The following CHKA variants were observed in gnomAD, a reference collection of about 807,000 sequenced individuals.
CHKA encodes choline kinase alpha, also known as CHETK-alpha.
In CHKA, 34 loss-of-function variants were observed where a neutral mutation model predicts 60.1. The ratio of observed to expected loss-of-function variants is 0.57; its 90% CI spans 0.43 to 0.75. The LOEUF (loss-of-function observed/expected upper bound fraction) is 0.75. Among genes scored for constraint, CHKA ranks in the 30% least tolerant of loss-of-function variants. The pLI is 0.00. For missense variants in CHKA, 563 were observed against 561.3 expected (o/e 1.00, Z -0.03); for synonymous variants, 217 against 223.1 (o/e 0.97, Z 0.24).
intron 7 of CHKA, among the ~76,000 whole-genome samples, chr11:68,066,779 G>T (rs1049600465): frequency 1.3e-5 from 2 of 152,198 alleles, no homozygotes; most frequent in East Asian, 3.9e-4. Context: ...GGATCACTGT[G>T]GAACAAAGCC....
chr11:68,088,982 T>C (rs1857269777), intron 2 of CHKA, among the ~76,000 whole-genome samples: 1 of 152,266 alleles, frequency 6.6e-6, no homozygotes. Context: ...ATAAGTGATT[T>C]CTAACATTTT....
At chr11:68,083,210 G>A (rs567655940) in intron 2 of CHKA, among the ~76,000 whole-genome samples, 2 of 152,194 alleles carry the variant, frequency 1.3e-5, no homozygotes, top group Non-Finnish European at 2.9e-5. Context: ...GGTATAGCAC[G>A]AGGCAAGTGA....
chr11:68,103,702 G>A (rs1056632795), intron 1 of CHKA, among the ~76,000 whole-genome samples: 24 of 151,936 alleles, frequency 1.6e-4, no homozygotes, highest in African/African-American at 5.1e-4. Context: ...ACCTGAGGTC[G>A]GGAATTCGAG....
chr11:68,084,393 C>CACAT (rs1403290481), intron 2 of CHKA, among the ~76,000 whole-genome samples: 10 of 112,662 alleles, frequency 8.9e-5, no homozygotes, highest in Non-Finnish European at 3.5e-5. Context: ...TATATATACA[C>CACAT]ACATATACGT....
At chr11:68,080,024 A>G (rs2134586437) in intron 3 of CHKA, among the ~76,000 whole-genome samples, 1 of 152,362 alleles carries the variant, frequency 6.6e-6, no homozygotes. Context: ...GTCAAATGCT[A>G]CTGAGAAGTC....
intron 7 of CHKA, among the ~76,000 whole-genome samples, chr11:68,067,822 G>A (rs998542852): frequency 2.0e-5 from 3 of 152,294 alleles, no homozygotes; most frequent in East Asian, 1.9e-4. Flanking sequence ...GTTAGCCAGC[G>A]ATGAGCAGCT....
At chr11:68,087,384 A>C (rs7123668) in intron 2 of CHKA, among the ~76,000 whole-genome samples, 80,006 of 151,732 alleles carry the variant, frequency 0.53, 21,725 homozygotes, top group South Asian at 0.68. Flanking sequence ...TGGAAGGCTG[A>C]GGCGGGAGAA....
At chr11:68,097,755 C>T (rs537246750) in intron 1 of CHKA, among the ~76,000 whole-genome samples, 11 of 152,016 alleles carry the variant, frequency 7.2e-5, no homozygotes, top group African/African-American at 2.7e-4. Flanking sequence ...AATCTGTCAA[C>T]TGATTTTGAC....
At chr11:68,061,302 C>T (rs1045383536) in intron 11 of CHKA, among the ~76,000 whole-genome samples, 2 of 151,816 alleles carry the variant, frequency 1.3e-5, no homozygotes, top group African/African-American at 4.8e-5. Flanking sequence ...GATGGGGTTT[C>T]CCCACGTTGG....
chr11:68,111,947 G>A (rs1220440232), intron 1 of CHKA, among the ~76,000 whole-genome samples: 1 of 150,466 alleles, frequency 6.6e-6, no homozygotes, highest in African/African-American at 2.4e-5. Context: ...CAGCTACTCA[G>A]GAGGCTGAGG....
At chr11:68,086,579 C>T (rs1857183400) in intron 2 of CHKA, among the ~76,000 whole-genome samples, 1 of 152,168 alleles carries the variant, frequency 6.6e-6, no homozygotes, top group Non-Finnish European at 1.5e-5. Flanking sequence ...GAATAAAGCC[C>T]CATTTGGGAG....
chr11:68,065,973 G>T, intron 8 of CHKA, 79 bp from the exon 9 acceptor site: 1 of 1,043,680 alleles, frequency 9.6e-7, no homozygotes, highest in Non-Finnish European at 1.4e-6. Flanking sequence ...AAGAAAGAAA[G>T]GCTGAGTTCC....
intron 9 of CHKA, among the ~76,000 whole-genome samples, chr11:68,065,185 G>A (rs1161217265): frequency 6.6e-6 from 1 of 152,100 alleles, no homozygotes. Flanking sequence ...AAAGGTCAGT[G>A]ATCACCAAAA....
At chr11:68,098,463 T>A (rs879570069) in intron 1 of CHKA, among the ~76,000 whole-genome samples, 1 of 151,978 alleles carries the variant, frequency 6.6e-6, no homozygotes, top group Non-Finnish European at 1.5e-5. Context: ...CAGATTCTGA[T>A]CGAGCTCATT....
chr11:68,061,095 G>GTTTTTTT lies in CHKA; in HGVS notation c.1314+851_1314+857dup, dbSNP rs757176198. On this transcript the variant is annotated intron_variant, in intron 11 of 11. Transcript: ENST00000265689. ...ACTTTCTATTTCTATGTCAGTGACA[G>GTTTTTTT]TTTTTTTTTTTTTTTTTTTTTTTTT... 7.1e-5 allele frequency among the ~76,000 whole-genome samples: 5 copies of GTTTTTTT among 70,840 alleles called. 1 individual carries two copies. Among genetic ancestry groups the GTTTTTTT allele is most frequent in the African/African-American group, 2.0e-4 (3 of 14,922 alleles). The allele number at this position is 70,840 out of a possible 152,430, so 46.5% of individuals were successfully genotyped here. A position where few individuals can be genotyped will look rare whatever the true frequency, so the allele number is the denominator to read the frequency against.
Position 68,100,602 on chromosome 11 carries a change from T to C in CHKA, c.351-3472A>G, listed in dbSNP as rs1006876476. On this transcript the variant is annotated intron_variant, in intron 1 of 11. Transcript: ENST00000265689. Reference sequence around the variant, plus strand: ...CGAAACATCATCTCCAATAAATAAATACATAAATAAATAAATAAATAAATA... The same window carrying C: ...CGAAACATCATCTCCAATAAATAAACACATAAATAAATAAATAAATAAATA... Among the ~76,000 whole-genome samples, 260 of 33,836 alleles carry C rather than the reference T, an allele frequency of 7.7e-3. 2 individuals carry two copies. The highest frequency in any genetic ancestry group is 0.022 in the African/African-American group (248 of 11,256). The allele number at this position is 33,836 out of a possible 152,430, so 22.2% of individuals were successfully genotyped here.
chr11:68,106,424 G>C (rs1427659958), intron 1 of CHKA, among the ~76,000 whole-genome samples: 1 of 151,678 alleles, frequency 6.6e-6, no homozygotes, highest in Non-Finnish European at 1.5e-5. Context: ...TGGTGGCATT[G>C]AGCCTGTGGT....
intron 4 of CHKA, among the ~76,000 whole-genome samples, chr11:68,072,826 C>G (rs1056338431): frequency 5.3e-5 from 8 of 151,912 alleles, no homozygotes; most frequent in Non-Finnish European, 8.8e-5. Flanking sequence ...AGACCCATCT[C>G]TACAAAAAAA....
chr11:68,054,320 G>A (rs746555940), intron 11 of CHKA, among the ~76,000 whole-genome samples: 42 of 152,304 alleles, frequency 2.8e-4, no homozygotes, highest in South Asian at 2.3e-3. Context: ...CAGGATGAAC[G>A]TCTCATCCAC....
Sources: allele counts gnomAD v4.1 joint callset (sites outside exome capture counted in the v4.1 genomes callset), GRCh38; gene constraint gnomAD v4.1.1; transcripts MANE v1.5; gene names NCBI Gene and HGNC (gene_info 2026-07-23, HGNC 2026-07-21).